The following TMEM72 variants were observed in gnomAD, a reference collection of about 807,000 sequenced individuals.
TMEM72 encodes kidney-specific secretory protein of 37 kDa.
A neutral mutation model predicts 16.3 loss-of-function variants in TMEM72; 9 were observed. That is an observed-to-expected ratio of 0.55 (90% CI 0.33 to 0.96). The LOEUF (loss-of-function observed/expected upper bound fraction) is 0.96. TMEM72 is among the 40% of genes least tolerant of loss of function. The probability of loss-of-function intolerance (pLI) is 0.03; values close to 1 mark genes in which losing one functional copy is unlikely to be tolerated. For missense variants in TMEM72, 324 were observed against 337.8 expected (o/e 0.96, Z 0.32); for synonymous variants, 160 against 146.5 (o/e 1.09, Z -0.66).
intron 2 of TMEM72, chr10:44,931,714 G>C: frequency 2.1e-6 from 1 of 465,520 alleles, no homozygotes; most frequent in Non-Finnish European, 3.9e-6. Context: ...AGAAGGATGT[G>C]CCTGCCAGTG....
chr10:44,928,475 C>G (rs1172145896), intron 2 of TMEM72, among the ~76,000 whole-genome samples: 1 of 152,006 alleles, frequency 6.6e-6, no homozygotes, highest in South Asian at 2.1e-4. Flanking sequence ...TCCATCCACC[C>G]ACCCATCCAT....
At position 44,935,174 on chromosome 10, in the gene TMEM72, A is replaced by G. The variant is rs775083134; in HGVS notation, c.*40A>G. 3 of 1,514,776 alleles carry G rather than the reference A, an allele frequency of 2.0e-6. No individual in the cohort carries two copies. The highest frequency in any genetic ancestry group is 2.7e-6 in the Non-Finnish European group (3 of 1,130,802). The allele number at this position is 1,514,776 out of a possible 1,614,324, so 93.8% of individuals were successfully genotyped here. Reference sequence around the variant, plus strand: ...CTGGAGGACGCTCAGTGAGGGGTCTACCTAGCTCAATGGCCCTCCCTGGAG... The same window carrying G: ...CTGGAGGACGCTCAGTGAGGGGTCTGCCTAGCTCAATGGCCCTCCCTGGAG... On this transcript the variant is annotated 3_prime_UTR_variant, in exon 5 of 5. Transcript: ENST00000389583.
intron 1 of TMEM72, among the ~76,000 whole-genome samples, chr10:44,923,885 G>A (rs7085840): frequency 0.51 from 77,463 of 152,000 alleles, 20,865 homozygotes; most frequent in Non-Finnish European, 0.61. Context: ...TGTGCCACTG[G>A]ACAGTAAAGC....
intron 1 of TMEM72, among the ~76,000 whole-genome samples, chr10:44,917,367 G>A (rs1369107476): frequency 6.6e-6 from 1 of 152,152 alleles, no homozygotes; most frequent in Admixed American, 6.5e-5. Flanking sequence ...GAAGAAGAAG[G>A]AAGATCCGAG....
Position 44,932,023 on chromosome 10 carries a change from T to A in TMEM72, c.163T>A (p.Cys55Ser), listed in dbSNP as rs1209903336. 1 of 1,613,468 alleles carries A rather than the reference T, an allele frequency of 6.2e-7. No individual in the cohort carries two copies. The highest frequency in any genetic ancestry group is 1.7e-5 in the Admixed American group (1 of 59,954). The change falls in exon 3 of 5, where the codon TGT (cysteine) becomes AGT (serine). Residue 55 changes from cysteine to serine, a missense_variant. By Grantham distance (112) the Cys-to-Ser change is moderately radical. Transcript: ENST00000389583. ...GTTTACAGGAGCCGCTGTCTCCATA[T>A]GTGAAGGGGCCTACTTTGTGGCTCA... ...LLFTGAAVSI[C>S]EGAYFVAQLL... is the part of the protein sequence containing the mutation.
chr10:44,920,606 C>CA (rs890360946), intron 1 of TMEM72, among the ~76,000 whole-genome samples: 11 of 152,118 alleles, frequency 7.2e-5, no homozygotes, highest in East Asian at 5.8e-4. Context: ...TTTTTGGCCA[C>CA]AAAAAAACCC....
At chr10:44,931,551 C>G (rs1483661931) in intron 2 of TMEM72, among the ~76,000 whole-genome samples, 1 of 152,180 alleles carries the variant, frequency 6.6e-6, no homozygotes, top group Non-Finnish European at 1.5e-5. Flanking sequence ...GGTCAGAGAA[C>G]AGGAGCGATT....
At chr10:44,926,486 C>T (rs1840195396) in intron 1 of TMEM72, among the ~76,000 whole-genome samples, 3 of 152,184 alleles carry the variant, frequency 2.0e-5, no homozygotes, top group Middle Eastern at 3.2e-3. Flanking sequence ...CTCTGAAGTG[C>T]TCTGTAAGTT....
chr10:44,934,743 C>G lies in TMEM72; in HGVS notation c.437C>G (p.Pro146Arg). Residue 146 changes from proline (P) to arginine (R), a missense_variant, in exon 5 of 5, where the codon CCA (proline) becomes CGA (arginine). Coordinates refer to ENST00000389583, the MANE Select transcript of TMEM72 (RefSeq NM_001123376.3). ...GCTGCCCCCGAGGTGCTGGCCTCCC[C>G]AGAGCAGTACACAGACCCCTCTAGC... Reference protein sequence around the residue: ...RKAAPEVLASPEQYTDPSSSA... With the variant: ...RKAAPEVLASREQYTDPSSSA... The G allele has an allele frequency of 6.2e-7, 1 of 1,613,606 alleles. No homozygotes were observed. Among genetic ancestry groups the G allele is most frequent in the South Asian group, 1.1e-5 (1 of 91,056 alleles).
At position 44,935,019 on chromosome 10, in the gene TMEM72, G is replaced by T. The variant is rs769102816; in HGVS notation, c.713G>T (p.Gly238Val). The T allele has an allele frequency of 3.1e-6, 5 of 1,613,948 alleles. No individual in the cohort carries two copies. The highest frequency in any genetic ancestry group is 3.3e-5 in the Admixed American group (2 of 60,024). ...CGCATAGTCCCCTCCCTCGCCGAAG[G>T]TCTGGATGATGGGGACAGTGAGCCA... Reference protein sequence around the residue: ...LVRIVPSLAEGLDDGDSEPEE... With the variant: ...LVRIVPSLAEVLDDGDSEPEE... The change falls in exon 5 of 5, where the codon GGT becomes GTT. Residue 238 changes from glycine (G) to valine (V), a missense_variant. Gly to Val is a moderately radical substitution (Grantham distance 109). Transcript: ENST00000389583.
intron 1 of TMEM72, among the ~76,000 whole-genome samples, chr10:44,913,491 C>T (rs6593448): frequency 0.53 from 81,159 of 151,978 alleles, 22,419 homozygotes; most frequent in Middle Eastern, 0.63. Flanking sequence ...CCCGTGCGCG[C>T]GCACATAGGG....
chr10:44,930,793 A>G (rs1036558193), intron 2 of TMEM72, among the ~76,000 whole-genome samples: 4 of 152,196 alleles, frequency 2.6e-5, no homozygotes, highest in Admixed American at 6.5e-5. Flanking sequence ...ATATCATTTA[A>G]TTCTTAGAAC....
Position 44,928,000 on chromosome 10 carries a change from G to C in TMEM72, c.137+13G>C. The C allele has an allele frequency of 6.2e-7, 1 of 1,613,094 alleles. No homozygotes were observed. The highest frequency in any genetic ancestry group is 8.5e-7 in the Non-Finnish European group (1 of 1,179,918). ...CTTTCTATCTGCTGTGAGTATGTGT[G>C]CATGTGCCACTTTTGACCTGCAAGT... On this transcript the variant is annotated intron_variant, in intron 2 of 4. Transcript: ENST00000389583.
At chr10:44,914,027 C>A (rs1419568275) in intron 1 of TMEM72, among the ~76,000 whole-genome samples, 1 of 152,224 alleles carries the variant, frequency 6.6e-6, no homozygotes, top group African/African-American at 2.4e-5. Flanking sequence ...GCAGCCTCTT[C>A]CCTGGACCCC....
intron 1 of TMEM72, 45 bp from the exon 2 acceptor site, chr10:44,927,876 G>T (rs1840222680): frequency 1.3e-6 from 2 of 1,586,062 alleles, no homozygotes; most frequent in Non-Finnish European, 8.6e-7. Flanking sequence ...CAGTGCTGTG[G>T]TGTAGAGCAC....
chr10:44,927,785 T>G, intron 1 of TMEM72, 136 bp from the exon 2 acceptor site: 4 of 776,634 alleles, frequency 5.2e-6, no homozygotes, highest in Non-Finnish European at 8.3e-6. Context: ...CAGCTGCCTG[T>G]ATCATGAAGA....
intron 4 of TMEM72, 118 bp downstream of exon 4, chr10:44,933,894 G>A: frequency 2.3e-6 from 3 of 1,296,882 alleles, no homozygotes; most frequent in Non-Finnish European, 3.1e-6. Context: ...CTGCCCCACT[G>A]CCCTCTCTGA....
At chr10:44,924,067 G>A (rs780593247) in intron 1 of TMEM72, among the ~76,000 whole-genome samples, 3 of 152,182 alleles carry the variant, frequency 2.0e-5, no homozygotes, top group Middle Eastern at 3.2e-3. Context: ...CCATCTGCAC[G>A]GGGTCAGGGA....
intron 1 of TMEM72, among the ~76,000 whole-genome samples, chr10:44,913,629 T>C (rs537325082): frequency 6.6e-6 from 1 of 152,316 alleles, no homozygotes; most frequent in South Asian, 2.1e-4. Flanking sequence ...ATGGCCAGGC[T>C]TTCAAATGAT....
Sources: gnomAD v4.1 joint callset for allele counts (sites outside exome capture counted in the v4.1 genomes callset) on GRCh38, gnomAD v4.1.1 for gene constraint, MANE v1.5 for transcripts, NCBI Gene and HGNC (gene_info 2026-07-23, HGNC 2026-07-21) for gene names.